The following GRM5 variants were observed in gnomAD, a reference collection of about 807,000 sequenced individuals.
The protein encoded by GRM5 is glutamate metabotropic receptor 5.
GRM5 carries 19 observed loss-of-function variants against 83.1 expected under a neutral mutation model. The ratio of observed to expected loss-of-function variants is 0.23; its 90% CI spans 0.16 to 0.34. GRM5 has a LOEUF of 0.34. GRM5 is among the 10% of genes least tolerant of loss of function. The pLI, the probability that GRM5 is intolerant of heterozygous loss-of-function variation, is 1.00. For synonymous variants in GRM5, 675 were observed against 633.6 expected (o/e 1.07, Z -0.98); for missense variants, 1,160 against 1,588.3 (o/e 0.73, Z 4.58).
At chr11:88,888,618 AG>A (rs934356442) in intron 2 of GRM5, among the ~76,000 whole-genome samples, 5 of 152,162 alleles carry the variant, frequency 3.3e-5, no homozygotes, top group African/African-American at 1.2e-4. Context: ...GCCGGCAAAA[AG>A]GTAAAAGTTT....
At chr11:88,814,720 G>C (rs1943640846) in intron 3 of GRM5, among the ~76,000 whole-genome samples, 1 of 151,850 alleles carries the variant, frequency 6.6e-6, no homozygotes, top group Non-Finnish European at 1.5e-5. Context: ...AATCACAAAA[G>C]TAAAATTTAC....
chr11:88,639,896 C>T (rs1939243866), intron 4 of GRM5, among the ~76,000 whole-genome samples: 1 of 152,148 alleles, frequency 6.6e-6, no homozygotes, highest in Non-Finnish European at 1.5e-5. Context: ...CTTCTGGGAT[C>T]TCACTGAGTA....
intron 3 of GRM5, among the ~76,000 whole-genome samples, chr11:88,743,739 C>A (rs1204313763): frequency 1.3e-5 from 2 of 152,150 alleles, no homozygotes; most frequent in East Asian, 1.9e-4. Flanking sequence ...AATACAATCA[C>A]ATTGCATCGT....
chr11:88,884,292 C>T (rs561444708), intron 2 of GRM5, among the ~76,000 whole-genome samples: 21 of 152,296 alleles, frequency 1.4e-4, no homozygotes, highest in African/African-American at 4.8e-4. Context: ...ACTTTAATGA[C>T]TGTTCTATTG....
chr11:88,714,135 A>G (rs1305203704), intron 3 of GRM5, among the ~76,000 whole-genome samples: 1 of 152,006 alleles, frequency 6.6e-6, no homozygotes, highest in East Asian at 1.9e-4. Context: ...TTGTTGTTTC[A>G]GTTAACCAGT....
At chr11:88,739,376 A>T (rs1941984234) in intron 3 of GRM5, among the ~76,000 whole-genome samples, 1 of 152,078 alleles carries the variant, frequency 6.6e-6, no homozygotes, top group African/African-American at 2.4e-5. Context: ...TTGCCCCACT[A>T]AAGTATTCTA....
rs1186408834 is a variant in GRM5, at chr11:88,877,480, T to TTTA, written c.662-27328_662-27326dup. ...AATATTTATCTTTTTCATTAAGCAGTTTATTATTATTATTATTAAGGCAGT... is the reference window on the plus strand; with the variant it reads ...AATATTTATCTTTTTCATTAAGCAGTTTATTATTATTATTATTATTAAGGCAGT... On this transcript the variant is annotated intron_variant, in intron 2 of 9. Transcript: ENST00000305447. Among the ~76,000 whole-genome samples, 4 of 151,846 alleles carry TTTA rather than the reference T, an allele frequency of 2.6e-5. No individual in the cohort carries two copies. In the South Asian group the frequency reaches 6.2e-4, roughly 24 times the overall value.
intron 3 of GRM5, among the ~76,000 whole-genome samples, chr11:88,666,176 GA>G (rs1250740992): frequency 6.6e-6 from 1 of 152,010 alleles, no homozygotes; most frequent in Non-Finnish European, 1.5e-5. Flanking sequence ...CTGAATTGAA[GA>G]AAAAAAGAAT....
intron 8 of GRM5, among the ~76,000 whole-genome samples, chr11:88,542,817 G>A (rs201015231): frequency 1.1e-4 from 17 of 152,270 alleles, no homozygotes; most frequent in African/African-American, 3.1e-4. Flanking sequence ...GTCTGTACTC[G>A]CAGCACTTTG....
chr11:88,713,226 C>T (rs1293241174), intron 3 of GRM5, among the ~76,000 whole-genome samples: 2 of 151,936 alleles, frequency 1.3e-5, no homozygotes, highest in Non-Finnish European at 1.5e-5. Flanking sequence ...GCTAAGGGGT[C>T]TCTAAATAAA....
intron 2 of GRM5, among the ~76,000 whole-genome samples, chr11:88,980,515 T>C (rs953093145): frequency 1.3e-5 from 2 of 152,114 alleles, no homozygotes; most frequent in African/African-American, 4.8e-5. Context: ...TCTAGTAGTT[T>C]TTCCATTATA....
chr11:88,851,156 C>T (rs1944384286), intron 2 of GRM5, among the ~76,000 whole-genome samples: 1 of 152,094 alleles, frequency 6.6e-6, no homozygotes, highest in African/African-American at 2.4e-5. Flanking sequence ...ATTACATCCG[C>T]ATTTCTCTTT....
At chr11:88,795,514 T>A (rs76559317) in intron 3 of GRM5, among the ~76,000 whole-genome samples, 4,751 of 152,296 alleles carry the variant, frequency 0.031, 220 homozygotes, top group African/African-American at 0.096. Flanking sequence ...TTGCTTTCCA[T>A]TTGAAGGTAT....
intron 2 of GRM5, among the ~76,000 whole-genome samples, chr11:89,017,506 T>C (rs1239001518): frequency 2.6e-5 from 4 of 152,188 alleles, no homozygotes; most frequent in Non-Finnish European, 4.4e-5. Flanking sequence ...ATTTATCCAA[T>C]AAATACCTAC....
At chr11:88,976,587 AT>A (rs1939344527) in intron 2 of GRM5, among the ~76,000 whole-genome samples, 1 of 152,054 alleles carries the variant, frequency 6.6e-6, no homozygotes, top group Non-Finnish European at 1.5e-5. Flanking sequence ...TATTATGTAA[AT>A]TTTACCCATA....
intron 8 of GRM5, among the ~76,000 whole-genome samples, chr11:88,546,585 A>C (rs1209524821): frequency 6.6e-6 from 1 of 152,120 alleles, no homozygotes; most frequent in East Asian, 1.9e-4. Flanking sequence ...ATGTATACAC[A>C]TATATATGTT....
At chr11:88,697,241 C>A (rs1940925294) in intron 3 of GRM5, among the ~76,000 whole-genome samples, 1 of 152,160 alleles carries the variant, frequency 6.6e-6, no homozygotes, top group African/African-American at 2.4e-5. Flanking sequence ...TCACACAAAG[C>A]CATAAATGTG....
At chr11:88,955,078 T>C (rs1467788437) in intron 2 of GRM5, among the ~76,000 whole-genome samples, 1 of 152,206 alleles carries the variant, frequency 6.6e-6, no homozygotes, top group South Asian at 2.1e-4. Context: ...TTTTCCCCCA[T>C]TGGCATTAAT....
chr11:88,749,250 A>G (rs1942212026), intron 3 of GRM5, among the ~76,000 whole-genome samples: 1 of 152,202 alleles, frequency 6.6e-6, no homozygotes, highest in Non-Finnish European at 1.5e-5. Flanking sequence ...GAGAAACATA[A>G]CTGATGTAAT....
Sources: gnomAD v4.1 joint callset for allele counts (sites outside exome capture counted in the v4.1 genomes callset) on GRCh38, gnomAD v4.1.1 for gene constraint, MANE v1.5 for transcripts, NCBI Gene and HGNC (gene_info 2026-07-23, HGNC 2026-07-21) for gene names.